Variants in CIBAR2 observed in about 807,000 individuals in gnomAD.
CIBAR2 encodes CBY1-interacting BAR domain-containing protein 2.
In CIBAR2, 38 loss-of-function variants were observed where a neutral mutation model predicts 36.2. The ratio of observed to expected loss-of-function variants is 1.05; its 90% CI spans 0.81 to 1.38. The LOEUF is 1.38. Among genes scored for constraint, CIBAR2 ranks in the 40% most tolerant of loss-of-function variants. The pLI is 0.00. For missense variants in CIBAR2, 481 were observed against 383.4 expected, an observed-to-expected ratio of 1.25 and a Z score of -2.13; for synonymous variants, 182 against 149.5, an observed-to-expected ratio of 1.22 and a Z score of -1.58.
Position 85,105,319 on chromosome 16 carries a change from A to G in CIBAR2, c.537+8T>C. On this transcript the variant is annotated splice_region_variant and intron_variant, in intron 6 of 8. Coordinates refer to ENST00000539556, the MANE Select transcript of CIBAR2 (RefSeq NM_198491.3). ...AGGGCGCCTCCCATCCCGGCCAACCACCCTCACCTGCAGGTCCTTGAGCTT... is the reference window on the plus strand; with the variant it reads ...AGGGCGCCTCCCATCCCGGCCAACCGCCCTCACCTGCAGGTCCTTGAGCTT... 6.3e-7 allele frequency: 1 copy of G among 1,599,292 alleles called. No individual in the cohort carries two copies.
intron 2 of CIBAR2, among the ~76,000 whole-genome samples, chr16:85,109,339 G>C (rs2074022599): frequency 6.6e-6 from 1 of 152,124 alleles, no homozygotes; most frequent in South Asian, 2.1e-4. Flanking sequence ...TGAGAAATGG[G>C]GTTGTCAAGG....
At chr16:85,106,855 C>T (rs77006777) in intron 5 of CIBAR2, among the ~76,000 whole-genome samples, 7,665 of 152,306 alleles carry the variant, frequency 0.05, 254 homozygotes, top group African/African-American at 0.093. Context: ...GCTGACTTAG[C>T]TCCATCAAGG....
At position 85,100,210 on chromosome 16, in the gene CIBAR2, C is replaced by A; in HGVS notation, c.682G>T (p.Gly228Trp). The A allele has an allele frequency of 2.5e-6, 4 of 1,610,586 alleles. No individual in the cohort carries two copies. Among genetic ancestry groups the A allele is most frequent in the Non-Finnish European group, 3.4e-6 (4 of 1,178,708 alleles). ...DFRAKMQGVY[G>W]HYDTRLLANT... ...GCAAGCAGCCGAGTGTCATAATGCC[C>A]ATAAACTCCTTGCATCTTGGCTCTA... is the stretch of plus-strand genomic sequence containing the variant. Residue 228 changes from glycine to tryptophan, a missense_variant, in exon 8 of 9, where the codon GGG becomes TGG. Physicochemically the swap from Gly to Trp is radical, Grantham distance 184 (BLOSUM62 -2). Coordinates refer to ENST00000539556, the MANE Select transcript of CIBAR2 (RefSeq NM_198491.3).
rs2073932689 is a variant in CIBAR2 at position 85,099,020 on chromosome 16, C to T, written c.*165G>A. ...AAAATGCTCTGGAAAGTCTCAGCAACAGAATTGAACAAGTAGAAGAAGGAA... is the reference window on the plus strand; with the variant it reads ...AAAATGCTCTGGAAAGTCTCAGCAATAGAATTGAACAAGTAGAAGAAGGAA... On this transcript the variant is annotated 3_prime_UTR_variant, in exon 9 of 9. Transcript: ENST00000539556. The T allele has an allele frequency of 2.6e-6, 2 of 762,242 alleles. No individual in the cohort carries two copies. The highest frequency in any genetic ancestry group is 3.1e-5 in the South Asian group (1 of 32,730). 47.2% of individuals were successfully genotyped at this position (762,242 alleles called of 1,614,324 possible).
Position 85,104,940 on chromosome 16 carries a change from G to A in CIBAR2, c.537+387C>T, listed in dbSNP as rs533580511. Among the ~76,000 whole-genome samples the A allele has an allele frequency of 2.6e-5, 4 of 152,310 alleles. No homozygotes were observed. The South Asian group carries it at 8.3e-4, about 32-fold the overall frequency. On this transcript the variant is annotated intron_variant, in intron 6 of 8. Transcript: ENST00000539556. ...GAAGGCACCCACACCCAGCTGCTGG[G>A]CCTTCACGTGGCTTGTTCAGGGAGG...
chr16:85,112,432 G>A lies in CIBAR2; in HGVS notation c.-80C>T, dbSNP rs2074050748. On this transcript the variant is annotated 5_prime_UTR_variant, in exon 1 of 9. Transcript: ENST00000539556. Reference sequence around the variant, plus strand: ...GGTCCTGCAGGCCTGGGAGGAGCCGGGCAGGGCTGGGTGCAGCTGTGTGGC... The same window carrying A: ...GGTCCTGCAGGCCTGGGAGGAGCCGAGCAGGGCTGGGTGCAGCTGTGTGGC... 4 of 1,413,918 alleles carry A rather than the reference G, an allele frequency of 2.8e-6. No individual in the cohort carries two copies. Among genetic ancestry groups the A allele is most frequent in the South Asian group, 2.3e-5 (2 of 86,898 alleles). The allele number at this position is 1,413,918 out of a possible 1,614,324, so 87.6% of individuals were successfully genotyped here.
intron 7 of CIBAR2, among the ~76,000 whole-genome samples, chr16:85,100,997 G>C (rs1257315869): frequency 6.6e-6 from 1 of 151,046 alleles, no homozygotes; most frequent in Non-Finnish European, 1.5e-5. Context: ...AGTGAGCCGA[G>C]ATAGTGCCAC....
In CIBAR2 at chr16:85,099,279, C is replaced by G; in HGVS notation, c.821G>C (p.Arg274Thr). 1 of 1,614,034 alleles carries G rather than the reference C, an allele frequency of 6.2e-7. No individual in the cohort carries two copies. Among genetic ancestry groups the G allele is most frequent in the East Asian group, 2.2e-5 (1 of 44,870 alleles). ...DPEHPHANHG[R>T]FSLCEWVVKG... ...AACCACCCACTCACAGAGACTAAAC[C>G]TGCCATGATTGGCATGAGGATGTTC... Residue 274 changes from arginine (R) to threonine (T), a missense_variant, in exon 9 of 9, where the codon AGG becomes ACG. By Grantham distance (71) the Arg-to-Thr change is moderately conservative. Transcript: ENST00000539556.
chr16:85,099,600 G>A (rs757171605), intron 8 of CIBAR2, among the ~76,000 whole-genome samples: 7 of 151,740 alleles, frequency 4.6e-5, no homozygotes, highest in Non-Finnish European at 8.8e-5. Flanking sequence ...ACCACACTGG[G>A]TGACGTGGCT....
intron 7 of CIBAR2, 36 bp downstream of exon 7, chr16:85,102,178 C>T (rs1225509304): frequency 5.0e-6 from 6 of 1,196,932 alleles, no homozygotes; most frequent in Non-Finnish European, 7.4e-6. Flanking sequence ...CTCTGCCCCA[C>T]TCCACCATAT....
chr16:85,106,331 C>T (rs1400755370), intron 5 of CIBAR2, among the ~76,000 whole-genome samples: 2 of 152,088 alleles, frequency 1.3e-5, no homozygotes, highest in African/African-American at 4.8e-5. Flanking sequence ...AAACGGCCCC[C>T]CAAAGATGTC....
chr16:85,100,052 T>C (rs2073942908), intron 8 of CIBAR2, 87 bp downstream of exon 8: 1 of 1,013,930 alleles, frequency 9.9e-7, no homozygotes, highest in Admixed American at 2.6e-5. Flanking sequence ...TCAGCCACCC[T>C]CCTCTAATCC....
At chr16:85,105,574 C>G in intron 5 of CIBAR2, 143 bp from the exon 6 acceptor site, 1 of 620,954 alleles carries the variant, frequency 1.6e-6, no homozygotes, top group African/African-American at 1.8e-5. Context: ...ATTGGGTCAT[C>G]AAAGGAATGG....
Position 85,107,681 on chromosome 16 carries a change from C to T in CIBAR2, c.427-9G>A, listed in dbSNP as rs761145957. 9.3e-6 allele frequency: 15 copies of T among 1,613,726 alleles called. No individual in the cohort carries two copies. In the African/African-American group the frequency reaches 9.3e-5, roughly 10 times the overall value. ...GTGACACTCACCTGGGACTGAAAAA[C>T]GTGCTGTTAAGGAACCAAGTTAAGC... is the stretch of plus-strand genomic sequence containing the variant. On this transcript the variant is annotated splice_polypyrimidine_tract_variant and intron_variant, in intron 4 of 8. Coordinates refer to ENST00000539556, the MANE Select transcript of CIBAR2 (RefSeq NM_198491.3).
Position 85,107,650 on chromosome 16 carries a change from A to G in CIBAR2, c.432+17T>C, listed in dbSNP as rs775124359. On this transcript the variant is annotated intron_variant, in intron 5 of 8. Transcript: ENST00000539556. The stretch of plus-strand genomic sequence containing the variant: ...ACGTGTGATTCTGCCTGCCCCAGAC[A>G]GACATGTGACACTCACCTGGGACTG... The G allele has an allele frequency of 6.2e-7, 1 of 1,613,784 alleles. No homozygotes were observed. Among genetic ancestry groups the G allele is most frequent in the Non-Finnish European group, 8.5e-7 (1 of 1,179,794 alleles).
intron 4 of CIBAR2, 30 bp downstream of exon 4, chr16:85,107,816 G>T: frequency 6.3e-7 from 1 of 1,580,266 alleles, no homozygotes; most frequent in Non-Finnish European, 8.7e-7. Flanking sequence ...TGGCCCGGCA[G>T]CCCCAGGCCC....
intron 5 of CIBAR2, among the ~76,000 whole-genome samples, chr16:85,106,909 CCT>C (rs2074000153): frequency 1.3e-5 from 2 of 152,178 alleles, no homozygotes; most frequent in South Asian, 2.1e-4. Flanking sequence ...ATGTTGGAGG[CCT>C]GAGGCAGGTG....
chr16:85,099,768 C>T lies in CIBAR2; in HGVS notation c.753+371G>A, dbSNP rs192477685. On this transcript the variant is annotated intron_variant, in intron 8 of 8. Transcript: ENST00000539556. ...CCTCCCAAGTAGCTGGGATTACAGG[C>T]ATACACCACCACACCCGGCTAATTT... Among the ~76,000 whole-genome samples the T allele has an allele frequency of 2.1e-4, 32 of 148,962 alleles. No homozygotes were observed. In the East Asian group the frequency reaches 6.3e-3, roughly 29 times the overall value.
In CIBAR2 at chr16:85,099,991, C is replaced by T. The variant is rs2073942408; in HGVS notation, c.753+148G>A. Reference sequence around the variant, plus strand: ...CTGGTCAGACCCCCGGGCAGCCCTCCATGCTCCCACCACCCCTGCCTCCTC... The same window carrying T: ...CTGGTCAGACCCCCGGGCAGCCCTCTATGCTCCCACCACCCCTGCCTCCTC... On this transcript the variant is annotated intron_variant, in intron 8 of 8. Transcript: ENST00000539556. 5 of 634,064 alleles carry T rather than the reference C, an allele frequency of 7.9e-6. No homozygotes were observed. The East Asian group carries it at 1.2e-4, about 15-fold the overall frequency. The allele number at this position is 634,064 out of a possible 1,614,324, so 39.3% of individuals were successfully genotyped here.
Sources: allele counts gnomAD v4.1 joint callset (sites outside exome capture counted in the v4.1 genomes callset), GRCh38; gene constraint gnomAD v4.1.1; transcripts MANE v1.5; gene names NCBI Gene and HGNC (gene_info 2026-07-23, HGNC 2026-07-21).